NOP56: variants seen among roughly 807,000 people sequenced by gnomAD.
The protein encoded by NOP56 is NOP56 ribonucleoprotein.
Under a neutral mutation model 58.3 loss-of-function variants are expected in NOP56, and 31 were observed. That is an observed-to-expected ratio of 0.53 (90% CI 0.40 to 0.72). NOP56 has a LOEUF of 0.72. Among genes scored for constraint, NOP56 ranks in the 30% least tolerant of loss-of-function variants. The probability of loss-of-function intolerance (pLI) is 0.00; values close to 1 mark genes in which losing one functional copy is unlikely to be tolerated. For missense variants in NOP56, 669 were observed against 739.9 expected (o/e 0.90, Z 1.11); for synonymous variants, 313 against 282.8 (o/e 1.11, Z -1.07).
chr20:2,654,795 G>A lies in NOP56; in HGVS notation c.417G>A (p.Leu139=), dbSNP rs140571524. 4 of 1,614,050 alleles carry A rather than the reference G, an allele frequency of 2.5e-6. No homozygotes were observed. The highest frequency in any genetic ancestry group is 2.2e-5 in the East Asian group (1 of 44,894). Residue 139 remains leucine (L), a synonymous_variant, in exon 5 of 12, where the codon CTG becomes CTA. Coordinates refer to ENST00000329276, the MANE Select transcript of NOP56 (RefSeq NM_006392.4). ...FHNLVKGLTD[L]SACKAQLGLG... is the part of the protein sequence containing the mutation. Reference sequence around the variant, plus strand: ...ATCTGGTGAAGGGTCTGACCGATCTGTCAGCTTGTAAAGCACAGCTGGGGC... The same window carrying A: ...ATCTGGTGAAGGGTCTGACCGATCTATCAGCTTGTAAAGCACAGCTGGGGC...
chr20:2,653,176 A>T, intron 2 of NOP56, 103 bp from the exon 3 acceptor site: 1 of 960,806 alleles, frequency 1.0e-6, no homozygotes, highest in Non-Finnish European at 1.6e-6. Flanking sequence ...GGGCCCAGGT[A>T]TCAGCATATT....
rs760204632 is a variant in NOP56 at position 2,656,566 on chromosome 20, G to A, written c.1159+17G>A. ...GCTTCTCTGGTATGGGTGGGGGGGC[G>A]TTGGCAGGTGTGAGAAGGGGCTGGG... is the stretch of plus-strand genomic sequence containing the variant. On this transcript the variant is annotated intron_variant, in intron 9 of 11. Coordinates refer to ENST00000329276, the MANE Select transcript of NOP56 (RefSeq NM_006392.4). The A allele has an allele frequency of 2.3e-5, 37 of 1,603,508 alleles. No individual in the cohort carries two copies. The highest frequency in any genetic ancestry group is 1.7e-4 in the Admixed American group (10 of 59,812).
Position 2,655,505 on chromosome 20 carries a change from C to T in NOP56, c.750C>T (p.Ser250=), listed in dbSNP as rs2086805399. The T allele has an allele frequency of 1.9e-6, 3 of 1,614,080 alleles. No homozygotes were observed. The highest frequency in any genetic ancestry group is 1.3e-5 in the African/African-American group (1 of 74,932). ...AGGCTATTCTGGATGCCTCACGGTC[C>T]TCCATGGGTCAGTGCAGAGCCTGGC... ...KAKAILDASR[S]SMGMDISAID... Residue 250 remains serine (S), a synonymous_variant, in exon 6 of 12, where the codon TCC becomes TCT. Transcript: ENST00000329276.
chr20:2,652,839 C>T lies in NOP56; in HGVS notation c.4-3C>T, dbSNP rs1001075836. ...GACGCTCGCGCCCCGGCTCCCGTTC[C>T]AGGTGCTGTTGCACGTGCTGTTTGA... On this transcript the variant is annotated splice_region_variant and splice_polypyrimidine_tract_variant and intron_variant, in intron 1 of 11. Transcript: ENST00000329276. 8 of 1,609,974 alleles carry T rather than the reference C, an allele frequency of 5.0e-6. No individual in the cohort carries two copies. The highest frequency in any genetic ancestry group is 6.8e-6 in the Non-Finnish European group (8 of 1,178,708).
chr20:2,653,130 C>A, intron 2 of NOP56, 149 bp from the exon 3 acceptor site: 1 of 810,136 alleles, frequency 1.2e-6, no homozygotes, highest in Non-Finnish European at 2.0e-6. Flanking sequence ...CTCCCGGACG[C>A]CGCCCCCGAA....
At chr20:2,657,897 C>G (rs201754576) in intron 11 of NOP56, 32 bp from the exon 12 acceptor site, 49 of 1,545,074 alleles carry the variant, frequency 3.2e-5, no homozygotes, top group Admixed American at 4.2e-5. Context: ...GAGCACTGTT[C>G]TCACAGCCTG....
intron 4 of NOP56, 26 bp from the exon 5 acceptor site, chr20:2,654,723 T>A (rs1172471293): frequency 1.1e-5 from 18 of 1,612,632 alleles, no homozygotes; most frequent in African/African-American, 1.3e-5. Context: ...AGCCCCTTGT[T>A]GCTCACCGTC....
At chr20:2,654,156 T>C in intron 3 of NOP56, 2 of 702,194 alleles carry the variant, frequency 2.8e-6, no homozygotes, top group South Asian at 2.7e-5. Context: ...CTATTATTTA[T>C]TGCCCACTTG....
intron 11 of NOP56, chr20:2,657,491 A>G (rs1281643743): frequency 4.6e-6 from 3 of 655,478 alleles, no homozygotes; most frequent in Non-Finnish European, 5.7e-6. Context: ...AACCTGGGGT[A>G]GTGTAAATTC....
intron 1 of NOP56, 54 bp downstream of exon 1, chr20:2,652,717 G>A (rs2086762160): frequency 1.3e-6 from 2 of 1,502,202 alleles, no homozygotes; most frequent in South Asian, 2.6e-5. Flanking sequence ...TTCGGCCTGC[G>A]TTCGGGCCGC....
In NOP56 at chr20:2,655,858, T is replaced by G. The variant is rs1163119798; in HGVS notation, c.910-76T>G. 6 of 1,608,606 alleles carry G rather than the reference T, an allele frequency of 3.7e-6. No individual in the cohort carries two copies. The African/African-American group carries it at 8.0e-5, about 22-fold the overall frequency. On this transcript the variant is annotated intron_variant, in intron 7 of 11. Coordinates refer to ENST00000329276, the MANE Select transcript of NOP56 (RefSeq NM_006392.4). ...TCCCTAGTTGTGCTTGATGGGGAGG[T>G]GGGGAGCAGGGCTGTCGTGCAACTG...
chr20:2,656,652 C>T (rs1446455799), intron 9 of NOP56, 103 bp downstream of exon 9: 2 of 1,606,484 alleles, frequency 1.2e-6, no homozygotes, highest in Non-Finnish European at 1.7e-6. Flanking sequence ...TTTTCGTCAA[C>T]AGCAGTTCAC....
In NOP56 at chr20:2,658,369, C is replaced by T; in HGVS notation, c.*75C>T. On this transcript the variant is annotated 3_prime_UTR_variant, in exon 12 of 12. Transcript: ENST00000329276. ...GACATTTCCCACCCTGTGCCGTGTT[C>T]CCCAATAAAAACAAATTCACAAGAG... 7 of 1,608,150 alleles carry T rather than the reference C, an allele frequency of 4.4e-6. No individual in the cohort carries two copies. The highest frequency in any genetic ancestry group is 5.9e-6 in the Non-Finnish European group (7 of 1,177,266).
Position 2,656,901 on chromosome 20 carries a change from T to C in NOP56, c.1281+6T>C, listed in dbSNP as rs899044157. On this transcript the variant is annotated splice_donor_region_variant and intron_variant, in intron 10 of 11. Transcript: ENST00000329276. ...TGAAGGAAGCAATGGTTCAGGTCAG[T>C]TGGGCTTTGCTGGGTGTGGAGTGGC... 8 of 1,614,040 alleles carry C rather than the reference T, an allele frequency of 5.0e-6. No homozygotes were observed. Among genetic ancestry groups the C allele is most frequent in the African/African-American group, 1.3e-5 (1 of 75,008 alleles).
Position 2,655,565 on chromosome 20 carries a change from C to T in NOP56, c.758-30C>T, listed in dbSNP as rs537544633. 39 of 1,614,140 alleles carry T rather than the reference C, an allele frequency of 2.4e-5. No homozygotes were observed. In the East Asian group the frequency reaches 6.2e-4, roughly 26 times the overall value. On this transcript the variant is annotated intron_variant, in intron 6 of 11. Transcript: ENST00000329276. ...AAGGTATGGGGCTCTAAATAGCTGG[C>T]CTCTTGCATTCACACTTGGTTTTTC...
chr20:2,653,416 TCA>T (rs2086777061), intron 3 of NOP56, 23 bp downstream of exon 3: 1 of 1,586,242 alleles, frequency 6.3e-7, no homozygotes, highest in Non-Finnish European at 8.7e-7. Context: ...CCGCCAAGTG[TCA>T]CAGAGAGATG....
chr20:2,658,001 G>A lies in NOP56; in HGVS notation c.1492G>A (p.Asp498Asn). Residue 498 changes from aspartate to asparagine, a missense_variant, in exon 12 of 12, where the codon GAC becomes AAC. Coordinates refer to ENST00000329276, the MANE Select transcript of NOP56 (RefSeq NM_006392.4). ...QEVPQENGME[D>N]PSISFSKPKK... is the part of the protein sequence containing the mutation. ...GGTTCCTCAGGAGAATGGAATGGAAGACCCATCTATCTCTTTCTCCAAACC... is the reference window on the plus strand; with the variant it reads ...GGTTCCTCAGGAGAATGGAATGGAAAACCCATCTATCTCTTTCTCCAAACC... 6.2e-7 allele frequency: 1 copy of A among 1,611,756 alleles called. No individual in the cohort carries two copies. Among genetic ancestry groups the A allele is most frequent in the Non-Finnish European group, 8.5e-7 (1 of 1,178,182 alleles).
chr20:2,656,064 G>T, intron 8 of NOP56, 30 bp downstream of exon 8: 1 of 1,614,020 alleles, frequency 6.2e-7, no homozygotes, highest in South Asian at 1.1e-5. Context: ...CCCACAATCA[G>T]GTGCCACTTC....
At chr20:2,653,184 A>G in intron 2 of NOP56, 95 bp from the exon 3 acceptor site, 1 of 1,058,228 alleles carries the variant, frequency 9.4e-7, no homozygotes. Context: ...GTATCAGCAT[A>G]TTTTAAGAGC....
Sources: allele counts gnomAD v4.1 joint callset, GRCh38; gene constraint gnomAD v4.1.1; transcripts MANE v1.5; gene names NCBI Gene and HGNC (gene_info 2026-07-23, HGNC 2026-07-21).